Variants in FRMD6 observed in about 807,000 individuals in gnomAD.
FRMD6 encodes FERM domain containing 6, also known as FERM domain-containing protein 6.
Under a neutral mutation model 73.2 loss-of-function variants are expected in FRMD6, and 37 were observed. The observed-to-expected ratio is 0.51, with a 90% confidence interval of 0.39 to 0.66. The LOEUF (loss-of-function observed/expected upper bound fraction) is 0.66, where lower values mean the gene tolerates loss of function less well. Ranked by LOEUF, FRMD6 falls within the 30% of genes least tolerant of loss-of-function variation. The pLI is 0.00. For missense variants in FRMD6, 714 were observed against 780.5 expected (o/e 0.91, Z 1.02); for synonymous variants, 273 against 282.2 (o/e 0.97, Z 0.33).
At chr14:51,622,485 C>T (rs1890961512) in intron 2 of FRMD6, among the ~76,000 whole-genome samples, 1 of 152,130 alleles carries the variant, frequency 6.6e-6, no homozygotes, top group Non-Finnish European at 1.5e-5. Flanking sequence ...GCAGTCCTGA[C>T]TCCTAGTCCT....
At chr14:51,512,063 T>C (rs1351940551) in intron 1 of FRMD6, among the ~76,000 whole-genome samples, 1 of 152,176 alleles carries the variant, frequency 6.6e-6, no homozygotes, top group Non-Finnish European at 1.5e-5. Flanking sequence ...TTTAGACCTA[T>C]TCAGTCCAGA....
chr14:51,420,208 A>G, the FRMD6 span, among the ~76,000 whole-genome samples: 10 of 152,210 alleles, frequency 6.6e-5, no homozygotes, highest in South Asian at 1.7e-3. Context: ...AAGACTGTAT[A>G]TGAGAGAGAA....
At chr14:51,402,577 G>A in the FRMD6 span, among the ~76,000 whole-genome samples, 2 of 151,970 alleles carry the variant, frequency 1.3e-5, no homozygotes, top group Non-Finnish European at 2.9e-5. Context: ...ATGTGGAACT[G>A]TAAGTCCATT....
chr14:51,612,653 G>A (rs1488466042), intron 2 of FRMD6, among the ~76,000 whole-genome samples: 1 of 152,146 alleles, frequency 6.6e-6, no homozygotes, highest in African/African-American at 2.4e-5. Context: ...TGTAGGTCTT[G>A]ATTTTGCTCA....
intron 1 of FRMD6, among the ~76,000 whole-genome samples, chr14:51,661,109 T>C (rs1213886648): frequency 6.6e-6 from 1 of 152,136 alleles, no homozygotes; most frequent in African/African-American, 2.4e-5. Context: ...AGGATTTGAT[T>C]TGCATTTTAA....
At chr14:51,660,509 A>T (rs188151123) in intron 1 of FRMD6, among the ~76,000 whole-genome samples, 25 of 152,164 alleles carry the variant, frequency 1.6e-4, no homozygotes, top group Admixed American at 3.3e-4. Context: ...CAACTATGAA[A>T]TTAAAATTAT....
chr14:51,697,368 G>A lies in FRMD6; in HGVS notation c.100-774G>A, dbSNP rs142801544. Among the ~76,000 whole-genome samples the A allele has an allele frequency of 8.5e-5, 13 of 152,166 alleles. No individual in the cohort carries two copies. The South Asian group carries it at 2.5e-3, about 29-fold the overall frequency. Reference sequence around the variant, plus strand: ...AGGAAATCATGTCATTTGCAATAACGGATGAACCTGGAGGATGTTAGGTTT... The same window carrying A: ...AGGAAATCATGTCATTTGCAATAACAGATGAACCTGGAGGATGTTAGGTTT... On this transcript the variant is annotated intron_variant, in intron 2 of 13. Coordinates refer to ENST00000344768, the MANE Select transcript of FRMD6 (RefSeq NM_001267046.2).
At chr14:51,518,594 GTCT>G (rs1884773977) in intron 1 of FRMD6, among the ~76,000 whole-genome samples, 1 of 152,210 alleles carries the variant, frequency 6.6e-6, no homozygotes, top group South Asian at 2.1e-4. Flanking sequence ...ATGGTGGTCA[GTCT>G]TCTTTTTATT....
Position 51,532,383 on chromosome 14 carries a change from A to G in FRMD6, c.-209-37965A>G, listed in dbSNP as rs569362756. On this transcript the variant is annotated intron_variant, in intron 1 of 14. Transcript: ENST00000356218. ...GACTCCATCTCAAAAAAAAAAAAAA[A>G]AAAAGAAATTATTAAATATGCATTT... Among the ~76,000 whole-genome samples the G allele has an allele frequency of 5.9e-5, 9 of 152,078 alleles. No homozygotes were observed. The South Asian group carries it at 1.9e-3, about 32-fold the overall frequency.
intron 1 of FRMD6, among the ~76,000 whole-genome samples, chr14:51,504,031 G>A (rs1883789470): frequency 6.6e-6 from 1 of 152,158 alleles, no homozygotes; most frequent in African/African-American, 2.4e-5. Flanking sequence ...GGTGTTTATA[G>A]TATCTTCTAG....
At chr14:51,536,471 G>A (rs930446617) in intron 1 of FRMD6, among the ~76,000 whole-genome samples, 3 of 151,690 alleles carry the variant, frequency 2.0e-5, no homozygotes, top group African/African-American at 7.3e-5. Flanking sequence ...AGGCTGGAGT[G>A]CAATGGCATG....
chr14:51,511,850 A>G lies in FRMD6; in HGVS notation c.-210+22430A>G, dbSNP rs373668980. 2.2e-3 allele frequency among the ~76,000 whole-genome samples: 334 copies of G among 152,024 alleles called. 1 individual carries two copies. Among genetic ancestry groups the G allele is most frequent in the African/African-American group, 7.6e-3 (316 of 41,378 alleles). The stretch of plus-strand genomic sequence containing the variant: ...TGTAACAAACCTGCATGTCCTGCAC[A>G]TGTACCCCAGAACTTAAAGTATAAT... On this transcript the variant is annotated intron_variant, in intron 1 of 14. Coordinates refer to the FRMD6 transcript ENST00000356218.
At chr14:51,537,758 G>A (rs1162113805) in intron 1 of FRMD6, among the ~76,000 whole-genome samples, 1 of 152,146 alleles carries the variant, frequency 6.6e-6, no homozygotes, top group African/African-American at 2.4e-5. Flanking sequence ...AATAACGTAG[G>A]ATTTTGAACA....
chr14:51,702,339 G>A (rs978381452), intron 4 of FRMD6, among the ~76,000 whole-genome samples, 173 bp from the exon 5 acceptor site: 4 of 151,934 alleles, frequency 2.6e-5, no homozygotes, highest in African/African-American at 2.4e-5. Context: ...TATGAACCTG[G>A]TATCTATATA....
chr14:51,434,443 A>T, the FRMD6 span, among the ~76,000 whole-genome samples: 1 of 152,168 alleles, frequency 6.6e-6, no homozygotes, highest in East Asian at 1.9e-4. Flanking sequence ...ACTGATGGGG[A>T]CATGCTGAAA....
Position 51,568,901 on chromosome 14 carries a change from A to C in FRMD6, c.-209-1447A>C, listed in dbSNP as rs570766544. The stretch of plus-strand genomic sequence containing the variant: ...GCCCCTGTTGCCCAAACTGTAGTGC[A>C]ATGGCGCAGTCTCGGCTCACTGCAA... On this transcript the variant is annotated intron_variant, in intron 1 of 14. Coordinates refer to the FRMD6 transcript ENST00000356218. 2.7e-5 allele frequency among the ~76,000 whole-genome samples: 4 copies of C among 147,580 alleles called. No homozygotes were observed. In the East Asian group the frequency reaches 7.9e-4, roughly 29 times the overall value.
chr14:51,557,590 T>A (rs953403787), intron 1 of FRMD6, among the ~76,000 whole-genome samples: 10 of 152,128 alleles, frequency 6.6e-5, no homozygotes, highest in Non-Finnish European at 1.2e-4. Context: ...ATTCAGGACA[T>A]CTGTACAACA....
the FRMD6 span, among the ~76,000 whole-genome samples, chr14:51,477,399 C>T: frequency 1.3e-5 from 2 of 152,144 alleles, no homozygotes; most frequent in Non-Finnish European, 2.9e-5. Context: ...AGAAAATACA[C>T]ACCACACAGT....
intron 12 of FRMD6, among the ~76,000 whole-genome samples, chr14:51,724,602 T>A (rs1186092054): frequency 6.6e-6 from 1 of 152,222 alleles, no homozygotes; most frequent in Non-Finnish European, 1.5e-5. Flanking sequence ...ATACTTAATA[T>A]GTTTATGGCA....
Sources: gnomAD v4.1 joint callset for allele counts (sites outside exome capture counted in the v4.1 genomes callset) on GRCh38, gnomAD v4.1.1 for gene constraint, MANE v1.5 for transcripts, NCBI Gene and HGNC (gene_info 2026-07-23, HGNC 2026-07-21) for gene names.